The following APOLD1 variants were observed in gnomAD, a reference collection of about 807,000 sequenced individuals.
The protein encoded by APOLD1 is apolipoprotein L domain-containing protein 1.
A neutral mutation model predicts 15.3 loss-of-function variants in APOLD1; 22 were observed. That is an observed-to-expected ratio of 1.44 (90% CI 1.03 to 2.05). The LOEUF (loss-of-function observed/expected upper bound fraction) is 2.05. APOLD1 is among the 30% of genes most tolerant of loss of function. The probability of loss-of-function intolerance (pLI) is 0.00; values close to 1 mark genes in which losing one functional copy is unlikely to be tolerated. For synonymous variants in APOLD1, 190 were observed against 167.4 expected (o/e 1.13, Z -1.04); for missense variants, 394 against 353.5 (o/e 1.11, Z -0.92).
At chr12:12,756,143 CA>C (rs1446168339) in intron 1 of APOLD1, among the ~76,000 whole-genome samples, 33 of 152,296 alleles carry the variant, frequency 2.2e-4, no homozygotes, top group African/African-American at 7.5e-4. Flanking sequence ...GGTGAAGAAT[CA>C]TATTGAAGAA....
At chr12:12,786,179 T>A (rs773111474) in intron 1 of APOLD1, among the ~76,000 whole-genome samples, 11 of 152,202 alleles carry the variant, frequency 7.2e-5, no homozygotes, top group Non-Finnish European at 1.6e-4. Flanking sequence ...AAAACTTTCA[T>A]AACAAAGAGA....
chr12:12,756,931 C>T (rs994154827), intron 1 of APOLD1, among the ~76,000 whole-genome samples: 8 of 152,210 alleles, frequency 5.3e-5, no homozygotes, highest in South Asian at 2.1e-4. Flanking sequence ...GGATTACAGG[C>T]GCCCACCACC....
intron 1 of APOLD1, among the ~76,000 whole-genome samples, chr12:12,769,675 T>G (rs1054569211): frequency 2.0e-5 from 3 of 152,190 alleles, no homozygotes; most frequent in African/African-American, 7.2e-5. Context: ...CAGGAGAAAT[T>G]ACTTAACTGG....
intron 1 of APOLD1, among the ~76,000 whole-genome samples, chr12:12,773,321 G>C (rs35201687): frequency 0.012 from 1,760 of 152,328 alleles, 27 homozygotes; most frequent in Admixed American, 0.049. Context: ...AGCACTTTGG[G>C]AGGGTGAAGT....
chr12:12,747,993 A>G (rs1238069308), intron 1 of APOLD1, among the ~76,000 whole-genome samples: 4 of 152,186 alleles, frequency 2.6e-5, no homozygotes, highest in Admixed American at 1.3e-4. Flanking sequence ...AAAACTTTGG[A>G]AAAGTCATTC....
chr12:12,749,490 A>G (rs1946791005), intron 1 of APOLD1, among the ~76,000 whole-genome samples: 1 of 152,216 alleles, frequency 6.6e-6, no homozygotes, highest in Non-Finnish European at 1.5e-5. Context: ...GCAACCAATC[A>G]GACTGATTGC....
chr12:12,765,202 G>A (rs145110454), intron 1 of APOLD1, among the ~76,000 whole-genome samples: 3 of 152,256 alleles, frequency 2.0e-5, no homozygotes, highest in African/African-American at 7.2e-5. Flanking sequence ...AGAGGAACCA[G>A]AGAGGAAGGA....
At chr12:12,779,955 T>C (rs1300151706) in intron 1 of APOLD1, among the ~76,000 whole-genome samples, 2 of 152,098 alleles carry the variant, frequency 1.3e-5, no homozygotes, top group Admixed American at 6.6e-5. Flanking sequence ...CATGAATTTT[T>C]GACAATAATA....
intron 1 of APOLD1, among the ~76,000 whole-genome samples, chr12:12,777,888 T>G (rs1947047969): frequency 2.1e-5 from 1 of 48,760 alleles, no homozygotes; most frequent in African/African-American, 6.2e-5. Flanking sequence ...CAAGGAAAGG[T>G]GTTTTTTTTT....
intron 1 of APOLD1, chr12:12,771,455 C>T (rs1946986426): frequency 4.3e-6 from 2 of 460,984 alleles, no homozygotes; most frequent in East Asian, 5.8e-5. Flanking sequence ...TGTTCAAATG[C>T]CTGGTTTCAG....
rs200965366 is a variant in APOLD1 at position 12,734,018 on chromosome 12, CT to C, written c.96+7925del. Among the ~76,000 whole-genome samples, 679 of 152,262 alleles carry C rather than the reference CT, an allele frequency of 4.5e-3. 8 individuals carry two copies. The highest frequency in any genetic ancestry group is 0.015 in the African/African-American group (634 of 41,560). ...GACATTAGCAGAGCACAAGGCATTT[CT>C]TTAATAATTTTTCCTCCATTTTTCT... is the stretch of plus-strand genomic sequence containing the variant. On this transcript the variant is annotated intron_variant, in intron 1 of 1. Coordinates refer to the APOLD1 transcript ENST00000326765.
At position 12,787,653 on chromosome 12, in the gene APOLD1, G is replaced by T; in HGVS notation, c.*1G>T. On this transcript the variant is annotated 3_prime_UTR_variant, in exon 2 of 2. Transcript: ENST00000356591. The surrounding 1 kb of genome is among the most constrained non-coding windows in gnomAD (Gnocchi z 4.9). ...CCAGCGTGCAGGGCTGTTTTTCTGA[G>T]AACATCCTTTCCCCCTAATGACCGA... 2 of 1,583,048 alleles carry T rather than the reference G, an allele frequency of 1.3e-6. No homozygotes were observed. The highest frequency in any genetic ancestry group is 1.7e-6 in the Non-Finnish European group (2 of 1,167,656).
At chr12:12,743,411 AGGAGAGC>A (rs1169488345) in intron 1 of APOLD1, among the ~76,000 whole-genome samples, 1 of 152,036 alleles carries the variant, frequency 6.6e-6, no homozygotes, top group African/African-American at 2.4e-5. Flanking sequence ...CCTTGAGATG[AGGAGAGC>A]GGTTTGGATT....
At chr12:12,783,567 C>G (rs1947101488), upstream of APOLD1, among the ~76,000 whole-genome samples, 1 of 151,924 alleles carries the variant, frequency 6.6e-6, no homozygotes, top group South Asian at 2.1e-4. Flanking sequence ...CCAGCCTTAG[C>G]CTCCCAAAGT....
chr12:12,730,067 TGTGTGTGTGTGAGAGA>T (rs778536750), intron 1 of APOLD1, among the ~76,000 whole-genome samples: 1,764 of 65,738 alleles, frequency 0.027, 32 homozygotes, highest in East Asian at 0.13. Context: ...TGTGTGTGTG[TGTGTGTGTGTGAGAGA>T]GAGAGAGAGA....
intron 1 of APOLD1, among the ~76,000 whole-genome samples, chr12:12,769,227 TAAAAA>T (rs35276279): frequency 3.2e-5 from 2 of 61,758 alleles, no homozygotes; most frequent in East Asian, 5.0e-4. Context: ...GACCTCCAGC[TAAAAA>T]AAAAAAAAAA....
At chr12:12,757,738 C>G (rs1275336616) in intron 1 of APOLD1, among the ~76,000 whole-genome samples, 1 of 151,710 alleles carries the variant, frequency 6.6e-6, no homozygotes, top group Non-Finnish European at 1.5e-5. Flanking sequence ...TTAAGGGGTA[C>G]AATTCAATGG....
At chr12:12,752,887 C>A (rs779353851) in intron 1 of APOLD1, among the ~76,000 whole-genome samples, 1 of 152,100 alleles carries the variant, frequency 6.6e-6, no homozygotes, top group Non-Finnish European at 1.5e-5. Flanking sequence ...GCTTGCTATC[C>A]CTTCTCTATC....
intron 1 of APOLD1, among the ~76,000 whole-genome samples, chr12:12,770,197 C>T (rs1324144934): frequency 6.6e-6 from 1 of 152,076 alleles, no homozygotes; most frequent in African/African-American, 2.4e-5. Flanking sequence ...ATCACGAAGT[C>T]AGTTCAAGAC....
Sources: allele counts gnomAD v4.1 joint callset (sites outside exome capture counted in the v4.1 genomes callset), GRCh38; gene constraint gnomAD v4.1.1; non-coding constraint Gnocchi (gnomAD v3.1); transcripts MANE v1.5; gene names NCBI Gene and HGNC (gene_info 2026-07-23, HGNC 2026-07-21).